The following ZNF79 variants were observed in gnomAD, a reference collection of about 807,000 sequenced individuals.
ZNF79 encodes zinc finger protein 79.
Under a neutral mutation model 14.9 loss-of-function variants are expected in ZNF79, and 13 were observed. The ratio of observed to expected loss-of-function variants is 0.87; its 90% CI spans 0.57 to 1.38. The LOEUF is 1.38. Ranked by LOEUF, ZNF79 falls within the 40% of genes most tolerant of loss-of-function variation. ZNF79 has a pLI of 0.00. For synonymous variants in ZNF79, 223 were observed against 235.1 expected (o/e 0.95, Z 0.47); for missense variants, 631 against 630.6 (o/e 1.00, Z -0.01).
At chr9:127,426,002 G>A (rs1045923166) in intron 1 of ZNF79, among the ~76,000 whole-genome samples, 2 of 152,296 alleles carry the variant, frequency 1.3e-5, no homozygotes, top group South Asian at 2.1e-4. Context: ...CAGATGGGTC[G>A]TCATCTTCCC....
At chr9:127,438,876 C>T (rs1833996421) in intron 4 of ZNF79, among the ~76,000 whole-genome samples, 1 of 152,098 alleles carries the variant, frequency 6.6e-6, no homozygotes, top group South Asian at 2.1e-4. Context: ...TTTGGGAGGC[C>T]GAGTTGGGCA....
chr9:127,444,972 A>G lies in ZNF79; in HGVS notation c.1272A>G (p.Lys424=), dbSNP rs747759663. The G allele has an allele frequency of 6.2e-7, 1 of 1,614,136 alleles. No homozygotes were observed. Among genetic ancestry groups the G allele is most frequent in the Non-Finnish European group, 8.5e-7 (1 of 1,180,032 alleles). ...EKPYKCNECG[K]FFSESSALIR... ...CATATAAATGTAATGAATGTGGGAA[A>G]TTCTTCAGTGAGAGCTCAGCCCTCA... The change falls in exon 5 of 5, where the codon AAA becomes AAG. Residue 424 remains lysine (K), a synonymous_variant. Transcript: ENST00000342483.
intron 4 of ZNF79, among the ~76,000 whole-genome samples, chr9:127,441,499 T>C (rs942892232): frequency 6.6e-6 from 1 of 152,198 alleles, no homozygotes; most frequent in African/African-American, 2.4e-5. Context: ...GCCAGTCTGG[T>C]TGAAGACTGT....
chr9:127,435,988 C>T lies in ZNF79; in HGVS notation c.313C>T (p.Arg105Ter), dbSNP rs752942190. 8 of 1,614,032 alleles carry T rather than the reference C, an allele frequency of 5.0e-6. No homozygotes were observed. The highest frequency in any genetic ancestry group is 4.4e-5 in the South Asian group (4 of 91,084). ...ATGGATGCTGGAGGGCGAAGACCTG[C>T]GAAGTCCCTCTCCAGGTATGTGAGC... The part of the protein sequence containing the change: ...GAWMLEGEDL[R>*]SPSPGWKIIS... Residue 105 changes from arginine to a stop codon, truncating the protein, a stop_gained, in exon 4 of 5, where the codon CGA becomes TGA. Transcript: ENST00000342483. LOFTEE classifies it low-confidence loss of function (END_TRUNC).
In ZNF79 at chr9:127,435,163, G is replaced by A. The variant is rs192043906; in HGVS notation, c.179G>A (p.Arg60Gln). Residue 60 changes from arginine (R) to glutamine (Q), a missense_variant, in exon 3 of 5, where the codon CGG (arginine) becomes CAG (glutamine). Transcript: ENST00000342483. ...TGGAGGTGCCTCGTGTCTACTCCAC[G>A]GGACAGGTTCAAGGAGGGGATACCA... The part of the protein sequence containing the change: ...ERWRCLVSTP[R>Q]DRFKEGIPGK... The A allele has an allele frequency of 6.4e-4, 1,034 of 1,613,228 alleles. 5 individuals are homozygous for A. In the Middle Eastern group the frequency reaches 0.014, roughly 21 times the overall value.
intron 2 of ZNF79, among the ~76,000 whole-genome samples, 199 bp downstream of exon 2, chr9:127,429,119 A>G (rs758081632): frequency 1.3e-4 from 20 of 152,072 alleles, no homozygotes; most frequent in Non-Finnish European, 2.9e-4. Flanking sequence ...GGTTCAAGCA[A>G]TTCTCTTGCT....
Position 127,435,150 on chromosome 9 carries a change from G to A in ZNF79, c.166G>A (p.Val56Met), listed in dbSNP as rs770691883. 2.0e-5 allele frequency: 32 copies of A among 1,613,244 alleles called. No homozygotes were observed. Among genetic ancestry groups the A allele is most frequent in the Non-Finnish European group, 2.4e-5 (28 of 1,179,670 alleles). The change falls in exon 3 of 5, where the codon GTG becomes ATG. Residue 56 changes from valine (V) to methionine (M), a missense_variant. Coordinates refer to ENST00000342483, the MANE Select transcript of ZNF79 (RefSeq NM_007135.3). ...AFAQERWRCL[V>M]STPRDRFKEG... The stretch of plus-strand genomic sequence containing the variant: ...TGCACAGGAAAGGTGGAGGTGCCTC[G>A]TGTCTACTCCACGGGACAGGTTCAA...
intron 3 of ZNF79, among the ~76,000 whole-genome samples, chr9:127,435,654 G>A (rs1833934413): frequency 6.6e-6 from 1 of 152,148 alleles, no homozygotes. Context: ...AGGTGGAACA[G>A]TCACCTGAGA....
rs774271558 is a variant in ZNF79 at position 127,424,761 on chromosome 9, G to A, written c.-27G>A. The A allele has an allele frequency of 1.2e-6, 2 of 1,613,816 alleles. No individual in the cohort carries two copies. Among genetic ancestry groups the A allele is most frequent in the South Asian group, 2.2e-5 (2 of 91,050 alleles). On this transcript the variant is annotated 5_prime_UTR_variant, in exon 1 of 5. Coordinates refer to ENST00000342483, the MANE Select transcript of ZNF79 (RefSeq NM_007135.3). Reference sequence around the variant, plus strand: ...ACCCTTACGCCCAGAGAACTGCTGGGAGGCTGTGGCGCGAGGCGGGACTCA... The same window carrying A: ...ACCCTTACGCCCAGAGAACTGCTGGAAGGCTGTGGCGCGAGGCGGGACTCA...
intron 4 of ZNF79, among the ~76,000 whole-genome samples, chr9:127,440,181 G>A (rs184713017): frequency 6.6e-5 from 10 of 152,288 alleles, no homozygotes; most frequent in African/African-American, 2.2e-4. Context: ...ACTTTTTATG[G>A]TGATGAGTTG....
At chr9:127,436,231 C>G (rs1288920891) in intron 4 of ZNF79, among the ~76,000 whole-genome samples, 1 of 152,222 alleles carries the variant, frequency 6.6e-6, no homozygotes, top group Non-Finnish European at 1.5e-5. Flanking sequence ...CTAAAACACA[C>G]TCTTCCTCAC....
chr9:127,445,122 ATGCAGCGAG>A lies in ZNF79; in HGVS notation c.1425_1433del (p.Ser476_Cys478del). On this transcript the variant is annotated inframe_deletion, in exon 5 of 5. Transcript: ENST00000342483. ...TCCACACAGGCGTGAAACCCTACGA[ATGCAGCGAG>A]TGTGGGAAGGCCTTCCGGTGCAGCT... is the stretch of plus-strand genomic sequence containing the variant. The A allele has an allele frequency of 6.2e-7, 1 of 1,603,300 alleles. No homozygotes were observed. Among genetic ancestry groups the A allele is most frequent in the Non-Finnish European group, 8.5e-7 (1 of 1,176,058 alleles).
At chr9:127,433,551 C>T (rs1196251302) in intron 2 of ZNF79, among the ~76,000 whole-genome samples, 1 of 152,180 alleles carries the variant, frequency 6.6e-6, no homozygotes, top group Non-Finnish European at 1.5e-5. Context: ...CGCCCTGTAC[C>T]TAGCAGAGGA....
intron 2 of ZNF79, 74 bp from the exon 3 acceptor site, chr9:127,435,016 C>T (rs1833921261): frequency 6.7e-7 from 1 of 1,485,390 alleles, no homozygotes; most frequent in Admixed American, 2.4e-5. Flanking sequence ...TCCCCCAAAA[C>T]TGCCAACGTT....
intron 2 of ZNF79, among the ~76,000 whole-genome samples, chr9:127,432,233 C>T (rs1166982246): frequency 1.3e-5 from 2 of 151,206 alleles, no homozygotes; most frequent in East Asian, 1.9e-4. Flanking sequence ...CTGCAAGCTC[C>T]GCCTCCCGGG....
At chr9:127,426,901 T>A (rs1476058957) in intron 1 of ZNF79, among the ~76,000 whole-genome samples, 1 of 152,204 alleles carries the variant, frequency 6.6e-6, no homozygotes, top group Non-Finnish European at 1.5e-5. Flanking sequence ...CATCATTTTC[T>A]ATTCTCAGCA....
chr9:127,443,659 T>C (rs1834090492), intron 4 of ZNF79, among the ~76,000 whole-genome samples: 1 of 152,064 alleles, frequency 6.6e-6, no homozygotes, highest in South Asian at 2.1e-4. Context: ...CCCAGTACTT[T>C]GGGAGGCCGA....
At chr9:127,424,839 C>A (rs974798907) in intron 1 of ZNF79, 36 bp downstream of exon 1, 1 of 1,613,024 alleles carries the variant, frequency 6.2e-7, no homozygotes, top group Non-Finnish European at 8.5e-7. Flanking sequence ...GTCAAGAGAT[C>A]GGCTGCTGCT....
In ZNF79 at chr9:127,436,004, G is replaced by A; in HGVS notation, c.328+1G>A. Reference sequence around the variant, plus strand: ...GAAGACCTGCGAAGTCCCTCTCCAGGTATGTGAGCAAGCACTTAGCCAGTG... The same window carrying A: ...GAAGACCTGCGAAGTCCCTCTCCAGATATGTGAGCAAGCACTTAGCCAGTG... On this transcript the variant is annotated splice_donor_variant, in intron 4 of 4. Coordinates refer to ENST00000342483, the MANE Select transcript of ZNF79 (RefSeq NM_007135.3). LOFTEE classifies it high-confidence loss of function. The A allele has an allele frequency of 6.2e-7, 1 of 1,614,004 alleles. No homozygotes were observed. The highest frequency in any genetic ancestry group is 1.7e-5 in the Admixed American group (1 of 60,024).
Sources: gnomAD v4.1 joint callset for allele counts (sites outside exome capture counted in the v4.1 genomes callset) on GRCh38, gnomAD v4.1.1 for gene constraint, MANE v1.5 for transcripts, NCBI Gene and HGNC (gene_info 2026-07-23, HGNC 2026-07-21) for gene names.